Variants in EYA2 observed in about 807,000 individuals in gnomAD.
EYA2 encodes the protein EYA transcriptional coactivator and phosphatase 2.
A neutral mutation model predicts 69.2 loss-of-function variants in EYA2; 31 were observed. That is an observed-to-expected ratio of 0.45 (90% CI 0.34 to 0.60). The LOEUF (loss-of-function observed/expected upper bound fraction) is 0.60. Ranked by LOEUF, EYA2 falls within the 20% of genes least tolerant of loss-of-function variation. The pLI, the probability that EYA2 is intolerant of heterozygous loss-of-function variation, is 0.02. For synonymous variants in EYA2, 257 were observed against 279.4 expected (o/e 0.92, Z 0.80); for missense variants, 622 against 701.2 (o/e 0.89, Z 1.28).
intron 14 of EYA2, among the ~76,000 whole-genome samples, chr20:47,182,628 T>TCAAAAAAAGAAAAAA (rs779945744): frequency 1.2e-5 from 1 of 84,338 alleles, no homozygotes; most frequent in Non-Finnish European, 2.1e-5. Flanking sequence ...AGACTCCGTC[T>TCAAAAAAAGAAAAAA]AAAAAAAAAA....
chr20:47,019,341 T>A (rs982330784), intron 5 of EYA2, among the ~76,000 whole-genome samples: 2 of 152,266 alleles, frequency 1.3e-5, no homozygotes, highest in African/African-American at 4.8e-5. Flanking sequence ...GCCTTCAGTC[T>A]GATGCTAATG....
chr20:47,126,138 T>G (rs575111660), intron 9 of EYA2, among the ~76,000 whole-genome samples: 1 of 152,256 alleles, frequency 6.6e-6, no homozygotes, highest in Admixed American at 6.5e-5. Flanking sequence ...CCAGCCCAAA[T>G]GCAGTCTGAG....
At chr20:47,013,634 TA>T (rs1983217589) in intron 4 of EYA2, among the ~76,000 whole-genome samples, 1 of 152,252 alleles carries the variant, frequency 6.6e-6, no homozygotes, top group African/African-American at 2.4e-5. Context: ...ATCCCGTCAC[TA>T]AAACAGAGTG....
At chr20:47,051,296 A>T (rs1414954077) in intron 5 of EYA2, among the ~76,000 whole-genome samples, 1 of 152,274 alleles carries the variant, frequency 6.6e-6, no homozygotes, top group Admixed American at 6.5e-5. Flanking sequence ...CTGTGAAGAA[A>T]TCAGAAGTAT....
chr20:46,941,315 T>C (rs1986146149), intron 1 of EYA2, among the ~76,000 whole-genome samples: 1 of 152,234 alleles, frequency 6.6e-6, no homozygotes, highest in Middle Eastern at 3.2e-3. Flanking sequence ...TCAGTTTCCC[T>C]CAAGGTCTAG....
intron 1 of EYA2, among the ~76,000 whole-genome samples, chr20:46,909,057 T>TGG (rs1984515523): frequency 6.6e-6 from 1 of 151,974 alleles, no homozygotes; most frequent in Non-Finnish European, 1.5e-5. Flanking sequence ...GAGTTTTTCC[T>TGG]GATCTCCGCT....
chr20:46,976,339 G>A (rs1027008336), intron 1 of EYA2, among the ~76,000 whole-genome samples: 1 of 152,040 alleles, frequency 6.6e-6, no homozygotes, highest in Non-Finnish European at 1.5e-5. Context: ...ACAAGGCCCT[G>A]TATCTATAAA....
At chr20:46,896,349 C>T (rs1347000771) in intron 1 of EYA2, among the ~76,000 whole-genome samples, 1 of 151,834 alleles carries the variant, frequency 6.6e-6, no homozygotes, top group Non-Finnish European at 1.5e-5. Context: ...AAGCACCTTA[C>T]CAGACTATGA....
intron 3 of EYA2, 123 bp downstream of exon 3, chr20:47,001,596 T>G: frequency 9.8e-7 from 1 of 1,024,776 alleles, no homozygotes; most frequent in Non-Finnish European, 1.5e-6. Context: ...CCGTAGCACT[T>G]CCTAGCTGAG....
chr20:46,949,634 G>T (rs1360272141), intron 1 of EYA2, among the ~76,000 whole-genome samples: 1 of 152,170 alleles, frequency 6.6e-6, no homozygotes, highest in Non-Finnish European at 1.5e-5. Context: ...AGATGGTGGG[G>T]TAACTGAGCC....
intron 1 of EYA2, among the ~76,000 whole-genome samples, chr20:46,956,292 A>T (rs1979122576): frequency 6.6e-6 from 1 of 152,232 alleles, no homozygotes; most frequent in African/African-American, 2.4e-5. Context: ...ATTGTTTTTA[A>T]CAGCTGCATA....
chr20:47,046,445 G>A (rs572882602), intron 5 of EYA2, among the ~76,000 whole-genome samples: 9 of 152,286 alleles, frequency 5.9e-5, no homozygotes, highest in East Asian at 1.9e-4. Context: ...TAGATACACC[G>A]AAGGATGAAG....
chr20:47,078,327 G>GCACACACACACACA lies in EYA2; in HGVS notation c.661+3993_661+3994insACACACACACACAC, dbSNP rs1249113834. On this transcript the variant is annotated intron_variant, in intron 7 of 15. Coordinates refer to ENST00000327619, the MANE Select transcript of EYA2 (RefSeq NM_005244.5). ...TGTGCACATGTGCACGTGCGCGCGC[G>GCACACACACACACA]CGCGCACACACACACACACACACAC... Among the ~76,000 whole-genome samples, 364 of 78,080 alleles carry GCACACACACACACA rather than the reference G, an allele frequency of 4.7e-3. 6 individuals carry two copies. Among genetic ancestry groups the GCACACACACACACA allele is most frequent in the East Asian group, 0.03 (103 of 3,396 alleles). 51.2% of individuals were successfully genotyped at this position (78,080 alleles called of 152,430 possible). A position where few individuals can be genotyped will look rare whatever the true frequency, so the allele number is the denominator to read the frequency against.
At chr20:47,151,269 G>C (rs1034531317) in intron 10 of EYA2, among the ~76,000 whole-genome samples, 9 of 151,782 alleles carry the variant, frequency 5.9e-5, no homozygotes, top group African/African-American at 2.2e-4. Context: ...TACTCGGTAG[G>C]CTGAGGCAGG....
intron 1 of EYA2, among the ~76,000 whole-genome samples, chr20:46,918,860 T>C (rs1327835573): frequency 6.6e-6 from 1 of 152,218 alleles, no homozygotes. Flanking sequence ...ATGCATTTCT[T>C]AAATAATAAA....
At chr20:47,080,242 A>G (rs1458905839) in intron 7 of EYA2, among the ~76,000 whole-genome samples, 1 of 152,032 alleles carries the variant, frequency 6.6e-6, no homozygotes, top group Non-Finnish European at 1.5e-5. Flanking sequence ...TCAGTGACCC[A>G]TGGGTCAAAG....
At chr20:46,962,485 A>T (rs1206770) in intron 1 of EYA2, among the ~76,000 whole-genome samples, 25,947 of 151,656 alleles carry the variant, frequency 0.17, 5,429 homozygotes, top group African/African-American at 0.5. Context: ...TTTTTTTTTT[A>T]AAGATTGGGC....
chr20:47,030,944 C>T (rs957763972), intron 5 of EYA2, among the ~76,000 whole-genome samples: 9 of 152,176 alleles, frequency 5.9e-5, no homozygotes, highest in Non-Finnish European at 8.8e-5. Flanking sequence ...CAGTTATTAC[C>T]TTGTAACTCT....
chr20:46,970,727 G>A (rs183673847), intron 1 of EYA2, among the ~76,000 whole-genome samples: 177 of 152,200 alleles, frequency 1.2e-3, no homozygotes, highest in Non-Finnish European at 1.6e-3. Context: ...TACTGATGTC[G>A]AAAACTGTCC....
Sources: gnomAD v4.1 joint callset for allele counts (sites outside exome capture counted in the v4.1 genomes callset) on GRCh38, gnomAD v4.1.1 for gene constraint, MANE v1.5 for transcripts, NCBI Gene and HGNC (gene_info 2026-07-23, HGNC 2026-07-21) for gene names.